Variants in C1orf105 observed in about 807,000 individuals in gnomAD.
C1orf105 encodes chromosome 1 open reading frame 105.
In C1orf105, 17 loss-of-function variants were observed where a neutral mutation model predicts 20.8. The observed-to-expected ratio is 0.82, with a 90% CI of 0.56 to 1.23. The LOEUF is 1.23. Among genes scored for constraint, C1orf105 ranks in the 50% most tolerant of loss-of-function variants. The pLI, the probability that C1orf105 is intolerant of heterozygous loss-of-function variation, is 0.00. For synonymous variants in C1orf105, 72 were observed against 72.1 expected (o/e 1.00, Z 0.01); for missense variants, 219 against 213.5 (o/e 1.03, Z -0.16).
chr1:172,453,096 C>G (rs1388504220), intron 3 of C1orf105: 2 of 1,550,728 alleles, frequency 1.3e-6, no homozygotes, highest in African/African-American at 1.4e-5. Context: ...GTCACAGCTG[C>G]CTTCCACGAC....
chr1:172,436,352 C>G (rs2072040499), intron 1 of C1orf105, among the ~76,000 whole-genome samples: 1 of 152,168 alleles, frequency 6.6e-6, no homozygotes, highest in South Asian at 2.1e-4. Context: ...TACTACAAGG[C>G]TACAGTAAGC....
chr1:172,466,983 C>A (rs1240163705), intron 6 of C1orf105, among the ~76,000 whole-genome samples: 2 of 152,156 alleles, frequency 1.3e-5, no homozygotes, highest in Non-Finnish European at 2.9e-5. Context: ...AGGCTAGAAG[C>A]GATGAGACCT....
At chr1:172,446,752 C>T (rs926334656) in intron 2 of C1orf105, among the ~76,000 whole-genome samples, 2 of 152,108 alleles carry the variant, frequency 1.3e-5, no homozygotes, top group Non-Finnish European at 2.9e-5. Context: ...AACTGGGCAT[C>T]GGCAGCACCT....
intron 3 of C1orf105, among the ~76,000 whole-genome samples, chr1:172,454,290 G>A (rs952493452): frequency 6.6e-6 from 1 of 151,434 alleles, no homozygotes; most frequent in Non-Finnish European, 1.5e-5. Context: ...ATCAGAAGTG[G>A]TCTCTCTGTT....
chr1:172,448,560 C>T, intron 3 of C1orf105, 29 bp downstream of exon 3: 1 of 1,295,784 alleles, frequency 7.7e-7, no homozygotes, highest in Non-Finnish European at 1.1e-6. Flanking sequence ...TGAAATGAAA[C>T]CAACAGCAGT....
intron 2 of C1orf105, among the ~76,000 whole-genome samples, chr1:172,448,136 A>C (rs1437339761): frequency 2.0e-5 from 3 of 152,206 alleles, no homozygotes; most frequent in Non-Finnish European, 2.9e-5. Context: ...CCTTTCAAAG[A>C]GGAAACCTGG....
intron 5 of C1orf105, among the ~76,000 whole-genome samples, chr1:172,464,458 C>G (rs1425631576): frequency 3.3e-5 from 5 of 152,150 alleles, no homozygotes; most frequent in African/African-American, 1.2e-4. Context: ...AGAAATTAAG[C>G]AATTTAAACT....
chr1:172,428,487 C>CTAT (rs2071780209), intron 1 of C1orf105, among the ~76,000 whole-genome samples: 1 of 152,214 alleles, frequency 6.6e-6, no homozygotes, highest in African/African-American at 2.4e-5. Flanking sequence ...CCACTCCTTG[C>CTAT]TATTCCCCAC....
chr1:172,435,951 AACAG>A (rs1432995195), intron 1 of C1orf105, among the ~76,000 whole-genome samples: 1 of 152,084 alleles, frequency 6.6e-6, no homozygotes, highest in African/African-American at 2.4e-5. Flanking sequence ...ATACACCAAT[AACAG>A]ACAGAGTCAA....
At chr1:172,463,677 C>T (rs1443102893) in intron 5 of C1orf105, among the ~76,000 whole-genome samples, 2 of 152,180 alleles carry the variant, frequency 1.3e-5, no homozygotes, top group Admixed American at 6.5e-5. Flanking sequence ...AATAACCTTT[C>T]GAAATTTGTT....
chr1:172,453,133 G>C, intron 3 of C1orf105: 1 of 1,551,020 alleles, frequency 6.4e-7, no homozygotes, highest in South Asian at 1.2e-5. Flanking sequence ...CCCTTCTCCA[G>C]ATAGAAATGG....
At chr1:172,430,358 T>C (rs746720181) in intron 1 of C1orf105, 3 of 698,480 alleles carry the variant, frequency 4.3e-6, no homozygotes, top group East Asian at 5.4e-5. Flanking sequence ...ATCCTTCTGA[T>C]GGCAGCAGTT....
intron 1 of C1orf105, among the ~76,000 whole-genome samples, chr1:172,435,354 C>T (rs2072006089): frequency 6.6e-6 from 1 of 152,154 alleles, no homozygotes; most frequent in Admixed American, 6.5e-5. Context: ...CAATAAAATA[C>T]TGGCAAATGG....
chr1:172,441,912 A>C (rs768531713), intron 1 of C1orf105: 1 of 1,614,208 alleles, frequency 6.2e-7, no homozygotes, highest in Admixed American at 1.7e-5. Flanking sequence ...CCACGGCTGA[A>C]AATGCAAAAA....
intron 1 of C1orf105, among the ~76,000 whole-genome samples, chr1:172,424,989 C>A (rs954597518): frequency 7.2e-5 from 11 of 152,194 alleles, no homozygotes; most frequent in Admixed American, 2.6e-4. Context: ...AGAAGCAGCT[C>A]CTCTTGAGCC....
intron 1 of C1orf105, among the ~76,000 whole-genome samples, chr1:172,431,872 G>C (rs556605388): frequency 7.9e-5 from 12 of 152,234 alleles, no homozygotes; most frequent in Non-Finnish European, 1.8e-4. Context: ...TGGAAAAACA[G>C]GACACTCCTG....
intron 1 of C1orf105, among the ~76,000 whole-genome samples, chr1:172,434,435 C>T (rs1573839043): frequency 6.6e-6 from 1 of 152,194 alleles, no homozygotes; most frequent in Non-Finnish European, 1.5e-5. Context: ...AATTAGAACT[C>T]AGGATTAAGA....
chr1:172,461,139 C>T (rs140007544), intron 4 of C1orf105, among the ~76,000 whole-genome samples: 34 of 152,324 alleles, frequency 2.2e-4, no homozygotes, highest in Non-Finnish European at 3.4e-4. Context: ...TTGGCTGCCC[C>T]CACTATGCCC....
chr1:172,430,967 T>C (rs1170263864), intron 1 of C1orf105: 12 of 458,184 alleles, frequency 2.6e-5, no homozygotes, highest in South Asian at 5.4e-5. Flanking sequence ...ACTATACCCA[T>C]ATAAGAGGGC....
Sources: allele counts gnomAD v4.1 joint callset (sites outside exome capture counted in the v4.1 genomes callset), GRCh38; gene constraint gnomAD v4.1.1; transcripts MANE v1.5; gene names NCBI Gene and HGNC (gene_info 2026-07-23, HGNC 2026-07-21).